The following MAGI1 variants were observed in gnomAD, a reference collection of about 807,000 sequenced individuals.
The protein encoded by MAGI1 is membrane associated guanylate kinase, WW and PDZ domain containing 1.
In MAGI1, 58 loss-of-function variants were observed where a neutral mutation model predicts 139.9. The observed-to-expected ratio is 0.41, with a 90% CI of 0.34 to 0.52. The LOEUF is 0.52. Among genes scored for constraint, MAGI1 ranks in the 20% least tolerant of loss-of-function variants. The pLI is 0.12. For synonymous variants in MAGI1, 812 were observed against 737.9 expected (o/e 1.10, Z -1.63); for missense variants, 1,874 against 1,901.6 (o/e 0.99, Z 0.27).
chr3:66,001,465 G>C (rs775951177), intron 1 of MAGI1, among the ~76,000 whole-genome samples: 2 of 152,114 alleles, frequency 1.3e-5, no homozygotes, highest in Admixed American at 6.6e-5. Context: ...AAAGAAAAGA[G>C]TATCAGCCTC....
At chr3:65,626,863 A>G (rs572872370) in intron 1 of MAGI1, among the ~76,000 whole-genome samples, 1 of 152,346 alleles carries the variant, frequency 6.6e-6, no homozygotes, top group South Asian at 2.1e-4. Context: ...TCTAATCTCA[A>G]ATTAATTGCC....
intron 1 of MAGI1, among the ~76,000 whole-genome samples, chr3:65,926,493 T>C (rs2062526169): frequency 6.6e-6 from 1 of 152,056 alleles, no homozygotes; most frequent in Non-Finnish European, 1.5e-5. Context: ...AATTAAGGCA[T>C]TCTTAGTCAC....
At chr3:65,421,867 TAACACATATAAAG>T (rs1946651000) in intron 12 of MAGI1, among the ~76,000 whole-genome samples, 1 of 152,270 alleles carries the variant, frequency 6.6e-6, no homozygotes, top group South Asian at 2.1e-4. Context: ...AACATCCAGT[TAACACATATAAAG>T]AACTCAGAGC....
intron 1 of MAGI1, among the ~76,000 whole-genome samples, chr3:65,667,008 G>A (rs2086575243): frequency 6.6e-6 from 1 of 152,162 alleles, no homozygotes; most frequent in African/African-American, 2.4e-5. Flanking sequence ...ATGAGCATGA[G>A]AAAAACAATG....
At chr3:65,541,397 G>A (rs2079215943) in intron 2 of MAGI1, among the ~76,000 whole-genome samples, 1 of 152,172 alleles carries the variant, frequency 6.6e-6, no homozygotes, top group Admixed American at 6.5e-5. Context: ...TAGAAAAAGA[G>A]GGACTCCTCC....
chr3:65,593,997 T>C (rs930840957), intron 2 of MAGI1, among the ~76,000 whole-genome samples: 1 of 152,180 alleles, frequency 6.6e-6, no homozygotes, highest in Admixed American at 6.5e-5. Flanking sequence ...TCCCCTTTAC[T>C]CTCATGCCTC....
chr3:65,569,228 A>G (rs2080824555), intron 2 of MAGI1, among the ~76,000 whole-genome samples: 1 of 152,196 alleles, frequency 6.6e-6, no homozygotes, highest in Non-Finnish European at 1.5e-5. Flanking sequence ...TACCTAGAAT[A>G]GTCAAATTCA....
chr3:65,687,620 A>G (rs1361132789), intron 1 of MAGI1: 11 of 421,738 alleles, frequency 2.6e-5, no homozygotes, highest in Non-Finnish European at 5.2e-5. Flanking sequence ...GTGGGATCCT[A>G]TAAAAAGAGA....
At chr3:65,455,029 T>A (rs887502171) in intron 5 of MAGI1, among the ~76,000 whole-genome samples, 8 of 152,130 alleles carry the variant, frequency 5.3e-5, no homozygotes, top group Non-Finnish European at 8.8e-5. Flanking sequence ...TGCACTAGAA[T>A]CCACAGTCTG....
intron 5 of MAGI1, among the ~76,000 whole-genome samples, chr3:65,469,444 C>T (rs1950410861): frequency 6.6e-6 from 1 of 151,278 alleles, no homozygotes; most frequent in African/African-American, 2.4e-5. Context: ...TTAGGAAAAC[C>T]ACATTATCTT....
intron 2 of MAGI1, among the ~76,000 whole-genome samples, chr3:65,547,930 T>C (rs1051307386): frequency 4.6e-5 from 7 of 152,160 alleles, no homozygotes; most frequent in African/African-American, 9.7e-5. Flanking sequence ...ATGAAGTTCA[T>C]TGGGAGCTTA....
At chr3:65,585,286 C>A (rs2081620704) in intron 2 of MAGI1, among the ~76,000 whole-genome samples, 1 of 152,182 alleles carries the variant, frequency 6.6e-6, no homozygotes, top group Non-Finnish European at 1.5e-5. Context: ...GTGAGCAGGA[C>A]TGACTGACAG....
At chr3:65,505,313 G>A (rs2077236960) in intron 2 of MAGI1, among the ~76,000 whole-genome samples, 1 of 150,924 alleles carries the variant, frequency 6.6e-6, no homozygotes, top group South Asian at 2.1e-4. Flanking sequence ...AGAATATCAA[G>A]TTTCCACAAA....
chr3:65,703,394 A>AT (rs899129105), intron 1 of MAGI1, among the ~76,000 whole-genome samples: 3 of 147,134 alleles, frequency 2.0e-5, no homozygotes, highest in Non-Finnish European at 3.1e-5. Context: ...TAAAGACCCA[A>AT]TAAAAAAAAA....
chr3:65,387,121 A>C, intron 14 of MAGI1: 1 of 1,601,074 alleles, frequency 6.2e-7, no homozygotes, highest in African/African-American at 1.3e-5. Flanking sequence ...CGGAGAGACA[A>C]AAGTTTTCAG....
intron 1 of MAGI1, among the ~76,000 whole-genome samples, chr3:66,009,783 T>C (rs550778546): frequency 1.3e-5 from 2 of 151,930 alleles, no homozygotes; most frequent in African/African-American, 2.4e-5. Context: ...AGAATCATTG[T>C]TGGCTGGGTG....
intron 1 of MAGI1, among the ~76,000 whole-genome samples, chr3:66,027,065 C>T (rs1187754565): frequency 6.6e-6 from 1 of 151,588 alleles, no homozygotes; most frequent in Non-Finnish European, 1.5e-5. Context: ...GTCAGGAGAT[C>T]GAGATCATCC....
intron 1 of MAGI1, among the ~76,000 whole-genome samples, chr3:65,861,998 A>G (rs904002688): frequency 2.0e-5 from 3 of 152,168 alleles, no homozygotes; most frequent in African/African-American, 7.2e-5. Flanking sequence ...CTGTCTCTCT[A>G]ATTGGCACCA....
At chr3:65,656,976 T>A (rs1298525487) in intron 1 of MAGI1, among the ~76,000 whole-genome samples, 2 of 50,458 alleles carry the variant, frequency 4.0e-5, no homozygotes, top group South Asian at 1.2e-3. Flanking sequence ...GAGGACACCA[T>A]CTCAAAAAAA....
Sources: gnomAD v4.1 joint callset for allele counts (sites outside exome capture counted in the v4.1 genomes callset) on GRCh38, gnomAD v4.1.1 for gene constraint, MANE v1.5 for transcripts, NCBI Gene and HGNC (gene_info 2026-07-23, HGNC 2026-07-21) for gene names.